Variants in GJA3 observed in about 807,000 individuals in gnomAD.
GJA3 encodes the protein gap junction alpha-3 protein.
For synonymous variants in GJA3, 297 were observed against 292.6 expected (o/e 1.02, Z -0.15); for missense variants, 571 against 620.3 (o/e 0.92, Z 0.84).
intron 1 of GJA3, 52 bp downstream of exon 1, chr13:20,160,838 G>A (rs939082697): frequency 4.0e-5 from 6 of 150,686 alleles, no homozygotes; most frequent in Non-Finnish European, 5.9e-5. Context: ...TCCCCGCCCC[G>A]CGCTGCCCTC....
At chr13:20,155,150 C>T (rs1468016226) in intron 1 of GJA3, among the ~76,000 whole-genome samples, 2 of 152,326 alleles carry the variant, frequency 1.3e-5, no homozygotes, top group African/African-American at 4.8e-5. Context: ...TGAGCCACCA[C>T]GCCTATCAAT....
Position 20,141,831 on chromosome 13 carries a change from G to A in GJA3, c.*150C>T. The A allele has an allele frequency of 8.7e-7, 1 of 1,153,984 alleles. No individual in the cohort carries two copies. Among genetic ancestry groups the A allele is most frequent in the South Asian group, 1.6e-5 (1 of 63,156 alleles). 71.5% of individuals were successfully genotyped at this position (1,153,984 alleles called of 1,614,324 possible). ...CAGCAAGCATTGAACACGGAAACCT[G>A]ATCTCTCCTCCATCGTCCACCTCCT... On this transcript the variant is annotated 3_prime_UTR_variant, in exon 2 of 2. Transcript: ENST00000241125.
In GJA3 at chr13:20,139,617, C is replaced by T. The variant is rs374089560; in HGVS notation, c.*2364G>A. The T allele has an allele frequency of 5.9e-5, 9 of 152,296 alleles. No individual in the cohort carries two copies. The highest frequency in any genetic ancestry group is 2.2e-4 in the African/African-American group (9 of 41,546). The allele number at this position is 152,296 out of a possible 1,614,324, so 9.4% of individuals were successfully genotyped here. ...CTGAAAAAACACCACAGGCACTGTT[C>T]TATTGCAAAACCTCACTTCTTTATA... On this transcript the variant is annotated 3_prime_UTR_variant, in exon 2 of 2. Transcript: ENST00000241125.
At chr13:20,148,186 C>T (rs571225175) in intron 1 of GJA3, among the ~76,000 whole-genome samples, 42 of 151,962 alleles carry the variant, frequency 2.8e-4, no homozygotes, top group African/African-American at 8.4e-4. Context: ...CTCCCTTCGC[C>T]GTCAGACTTT....
chr13:20,143,252 T>TTTC lies in GJA3; in HGVS notation c.34_36dup (p.Glu12dup). The TTTC allele has an allele frequency of 6.5e-7, 1 of 1,528,756 alleles. No homozygotes were observed. The highest frequency in any genetic ancestry group is 8.8e-7 in the Non-Finnish European group (1 of 1,138,808). The allele number at this position is 1,528,756 out of a possible 1,614,324, so 94.7% of individuals were successfully genotyped here. A position where few individuals can be genotyped will look rare whatever the true frequency, so the allele number is the denominator to read the frequency against. The stretch of plus-strand genomic sequence containing the variant: ...ATGACCGTGGAGTGCTCCTGTGCAT[T>TTTC]TTCTAAGAGTCTTCCCAGAAAGCTC... On this transcript the variant is annotated inframe_insertion, in exon 2 of 2. Transcript: ENST00000241125.
intron 1 of GJA3, among the ~76,000 whole-genome samples, chr13:20,157,115 A>G (rs1216498689): frequency 6.6e-6 from 1 of 152,250 alleles, no homozygotes; most frequent in South Asian, 2.1e-4. Flanking sequence ...TCAATGTTTT[A>G]GTCCTCAAAG....
At position 20,139,000 on chromosome 13, in the gene GJA3, C is replaced by T. The variant is rs961365179; in HGVS notation, c.*2981G>A. On this transcript the variant is annotated 3_prime_UTR_variant, in exon 2 of 2. Coordinates refer to ENST00000241125, the MANE Select transcript of GJA3 (RefSeq NM_021954.4). The stretch of plus-strand genomic sequence containing the variant: ...ACCTATCCACTTACTTGTCCAGAGC[C>T]GAAGAAATCCAGGATAAATGAGAAA... The T allele has an allele frequency of 1.3e-5, 2 of 151,810 alleles. No homozygotes were observed. The highest frequency in any genetic ancestry group is 4.8e-5 in the African/African-American group (2 of 41,288). The allele number at this position is 151,810 out of a possible 1,614,324, so 9.4% of individuals were successfully genotyped here. A position where few individuals can be genotyped will look rare whatever the true frequency, so the allele number is the denominator to read the frequency against.
chr13:20,138,422 T>A lies in GJA3; in HGVS notation c.*3559A>T, dbSNP rs1049996412. ...CCAAACAGCTTCAAATATGGTACTT[T>A]CTGGAAACAGTTTGTTGCTTTGAGT... On this transcript the variant is annotated 3_prime_UTR_variant, in exon 2 of 2. Coordinates refer to ENST00000241125, the MANE Select transcript of GJA3 (RefSeq NM_021954.4). 2 of 152,196 alleles carry A rather than the reference T, an allele frequency of 1.3e-5. No individual in the cohort carries two copies. The highest frequency in any genetic ancestry group is 4.8e-5 in the African/African-American group (2 of 41,422). 9.4% of individuals were successfully genotyped at this position (152,196 alleles called of 1,614,324 possible).
At position 20,142,770 on chromosome 13, in the gene GJA3, G is replaced by A. The variant is rs1958818964; in HGVS notation, c.519C>T (p.Phe173=). The A allele has an allele frequency of 5.0e-6, 8 of 1,613,396 alleles. No homozygotes were observed. The highest frequency in any genetic ancestry group is 3.3e-5 in the South Asian group (3 of 91,086). The change falls in exon 2 of 2, where the codon TTC becomes TTT. Residue 173 remains phenylalanine (F), a synonymous_variant. Transcript: ENST00000241125. ...FIAGQYFLYG[F]ELKPLYRCDR... ...CGCAGCGGTAGAGCGGCTTCAGCTC[G>A]AAGCCGTACAGAAAGTACTGGCCGG...
chr13:20,147,989 G>A (rs1159111345), intron 1 of GJA3, among the ~76,000 whole-genome samples: 1 of 152,174 alleles, frequency 6.6e-6, no homozygotes, highest in African/African-American at 2.4e-5. Flanking sequence ...GCAAGGGCAA[G>A]GGTGTCTGTG....
chr13:20,142,009 C>A lies in GJA3; in HGVS notation c.1280G>T (p.Arg427Leu). ...GATGGCCAAGTCCTCCGGTCTGGCC[C>A]GCCCGCTGCTGGCCCTGCTGGCCTT... The part of the protein sequence containing the change: ...ASKASRASSG[R>L]ARPEDLAI Residue 427 changes from arginine to leucine, a missense_variant, in exon 2 of 2, where the codon CGG becomes CTG. Coordinates refer to ENST00000241125, the MANE Select transcript of GJA3 (RefSeq NM_021954.4). 6.4e-7 allele frequency: 1 copy of A among 1,550,424 alleles called. No individual in the cohort carries two copies. Among genetic ancestry groups the A allele is most frequent in the Non-Finnish European group, 8.7e-7 (1 of 1,146,858 alleles).
rs751695886 is a variant in GJA3, at chr13:20,142,512, G to A, written c.777C>T (p.Ser259=). 2.3e-5 allele frequency: 36 copies of A among 1,553,294 alleles called. No individual in the cohort carries two copies. The African/African-American group carries it at 4.1e-4, about 18-fold the overall frequency. The part of the protein sequence containing the change: ...TADPPPLPPS[S]RPPAVAIGFP... ...ACCCGATGGCAACGGCGGGCGGCCG[G>A]GAGCTGGGGGGCAGGGGCGGGGGAT... Residue 259 remains serine (S), a synonymous_variant, in exon 2 of 2, where the codon TCC becomes TCT. Coordinates refer to ENST00000241125, the MANE Select transcript of GJA3 (RefSeq NM_021954.4).
At chr13:20,160,615 C>A (rs1249601728) in intron 1 of GJA3, among the ~76,000 whole-genome samples, 1 of 152,242 alleles carries the variant, frequency 6.6e-6, no homozygotes, top group Non-Finnish European at 1.5e-5. Context: ...CCAAACGAGG[C>A]GCTGCTCTCC....
Position 20,161,050 on chromosome 13 carries a change from T to G in GJA3, c.-178A>C, listed in dbSNP as rs1471914494. Reference sequence around the variant, plus strand: ...GATCGCCATCCCTGCAGCCCCAGTGTGCGCTGCGCCCGACGCCCCCAAGCT... The same window carrying G: ...GATCGCCATCCCTGCAGCCCCAGTGGGCGCTGCGCCCGACGCCCCCAAGCT... On this transcript the variant is annotated 5_prime_UTR_variant, in exon 1 of 2. Coordinates refer to ENST00000241125, the MANE Select transcript of GJA3 (RefSeq NM_021954.4). 1 of 152,530 alleles carries G rather than the reference T, an allele frequency of 6.6e-6. No individual in the cohort carries two copies. The highest frequency in any genetic ancestry group is 2.0e-4 in the East Asian group (1 of 5,122). The allele number at this position is 152,530 out of a possible 1,614,324, so 9.4% of individuals were successfully genotyped here.
At chr13:20,154,292 T>C (rs1306921456) in intron 1 of GJA3, among the ~76,000 whole-genome samples, 3 of 152,238 alleles carry the variant, frequency 2.0e-5, no homozygotes, top group East Asian at 1.9e-4. Flanking sequence ...ATGCTGTCCC[T>C]GAAGTTCTCA....
At chr13:20,150,795 G>A (rs912705114) in intron 1 of GJA3, among the ~76,000 whole-genome samples, 16 of 152,186 alleles carry the variant, frequency 1.1e-4, no homozygotes, top group African/African-American at 3.9e-4. Flanking sequence ...AGGGCCCGTG[G>A]TGCTCAGCTG....
chr13:20,145,818 C>A (rs1257625963), intron 1 of GJA3, among the ~76,000 whole-genome samples: 1 of 152,206 alleles, frequency 6.6e-6, no homozygotes, highest in Non-Finnish European at 1.5e-5. Flanking sequence ...TCTCTCTCCC[C>A]CTTGCCATGC....
chr13:20,157,366 T>C (rs1288829293), intron 1 of GJA3, among the ~76,000 whole-genome samples: 5 of 152,198 alleles, frequency 3.3e-5, no homozygotes, highest in Admixed American at 3.3e-4. Flanking sequence ...AAAGGCAATT[T>C]CCTCATATAA....
chr13:20,159,479 AAAAAAAAG>A (rs1315962222), intron 1 of GJA3, among the ~76,000 whole-genome samples: 5 of 146,328 alleles, frequency 3.4e-5, no homozygotes, highest in African/African-American at 9.8e-5. Flanking sequence ...AAAAAAAAAA[AAAAAAAAG>A]GCTGCGATAA....
Sources: allele counts gnomAD v4.1 joint callset (sites outside exome capture counted in the v4.1 genomes callset), GRCh38; gene constraint gnomAD v4.1.1; transcripts MANE v1.5; gene names NCBI Gene and HGNC (gene_info 2026-07-23, HGNC 2026-07-21).